Variants in BCR observed in about 807,000 individuals in gnomAD.
The protein encoded by BCR is breakpoint cluster region protein.
A neutral mutation model predicts 138.6 loss-of-function variants in BCR; 58 were observed. The observed-to-expected ratio is 0.42, with a 90% confidence interval of 0.34 to 0.52. BCR has a LOEUF of 0.52. Ranked by LOEUF, BCR falls within the 20% of genes least tolerant of loss-of-function variation. BCR has a pLI of 0.06. For missense variants in BCR, 1,599 were observed against 1,727.2 expected (o/e 0.93, Z 1.32); for synonymous variants, 786 against 730.1 (o/e 1.08, Z -1.23).
intron 18 of BCR, among the ~76,000 whole-genome samples, chr22:23,311,359 A>T (rs1364607005): frequency 1.3e-5 from 2 of 150,588 alleles, no homozygotes; most frequent in Non-Finnish European, 3.0e-5. Context: ...CTGACCTCCC[A>T]GCCGGGGGTA....
chr22:23,221,609 T>C (rs536870793), intron 1 of BCR, among the ~76,000 whole-genome samples: 66 of 152,332 alleles, frequency 4.3e-4, no homozygotes, highest in African/African-American at 1.5e-3. Context: ...CAGTGCTTCT[T>C]AGAGAAAGCT....
intron 1 of BCR, among the ~76,000 whole-genome samples, chr22:23,235,654 A>G (rs1477959563): frequency 1.3e-5 from 2 of 152,220 alleles, no homozygotes; most frequent in Non-Finnish European, 2.9e-5. Flanking sequence ...GGGGTGTCTT[A>G]GTCACTTCAG....
chr22:23,240,501 A>C (rs2073077535), intron 1 of BCR, among the ~76,000 whole-genome samples: 3 of 151,924 alleles, frequency 2.0e-5, no homozygotes, highest in Admixed American at 2.0e-4. Flanking sequence ...AATACAAAAA[A>C]TCAGCCGGGC....
intron 15 of BCR, among the ~76,000 whole-genome samples, chr22:23,293,968 C>T (rs1352294555): frequency 6.6e-6 from 1 of 152,224 alleles, no homozygotes; most frequent in Non-Finnish European, 1.5e-5. Context: ...GTTAACACCA[C>T]GCACCCACGG....
Position 23,315,453 on chromosome 22 carries a change from C to T in BCR, c.3747C>T (p.Phe1249=). The T allele has an allele frequency of 1.2e-6, 2 of 1,613,568 alleles. No homozygotes were observed. Among genetic ancestry groups the T allele is most frequent in the Non-Finnish European group, 1.7e-6 (2 of 1,179,998 alleles). ...GGCAGGTCCAGGTGCTGCTGTACTT[C>T]CTGCAGCTGGAGGCCATCCCTGCCC... is the stretch of plus-strand genomic sequence containing the variant. ...VMSQVQVLLY[F]LQLEAIPAPD... is the part of the protein sequence containing the mutation. Residue 1249 remains phenylalanine, a synonymous_variant, in exon 23 of 23, where the codon TTC becomes TTT. Coordinates refer to ENST00000305877, the MANE Select transcript of BCR (RefSeq NM_004327.4).
intron 16 of BCR, chr22:23,302,253 GC>G (rs2073909865): frequency 6.6e-6 from 1 of 152,568 alleles, no homozygotes; most frequent in Non-Finnish European, 1.5e-5. Context: ...ACCAGACCGG[GC>G]CAAGCCCCCA....
intron 1 of BCR, among the ~76,000 whole-genome samples, chr22:23,192,450 G>A (rs1441825516): frequency 6.6e-6 from 1 of 152,250 alleles, no homozygotes; most frequent in Non-Finnish European, 1.5e-5. Flanking sequence ...AGTACAGTCA[G>A]GCAGGCCTTC....
chr22:23,295,822 G>A (rs762135389), intron 16 of BCR, among the ~76,000 whole-genome samples: 4 of 152,098 alleles, frequency 2.6e-5, no homozygotes, highest in Non-Finnish European at 4.4e-5. Context: ...CATAGCTGGC[G>A]CCCCAGGCCC....
At chr22:23,292,039 C>G (rs971650979) in intron 14 of BCR, among the ~76,000 whole-genome samples, 1 of 152,230 alleles carries the variant, frequency 6.6e-6, no homozygotes, top group Non-Finnish European at 1.5e-5. Flanking sequence ...CCCCCTGCAC[C>G]CCACGACTTC....
intron 8 of BCR, among the ~76,000 whole-genome samples, chr22:23,282,820 T>A (rs994452940): frequency 3.3e-5 from 5 of 152,340 alleles, no homozygotes; most frequent in African/African-American, 1.2e-4. Flanking sequence ...GTCCTCCCTG[T>A]GAGCCTTCCC....
In BCR at chr22:23,253,785, C is replaced by T; in HGVS notation, c.1280-14C>T. On this transcript the variant is annotated splice_polypyrimidine_tract_variant and intron_variant, in intron 1 of 22. Coordinates refer to ENST00000305877, the MANE Select transcript of BCR (RefSeq NM_004327.4). ...TCTCTGTCTCTAACACAGGATGCTT[C>T]TTTGCACACACAGATGGCTCGTTCG... 2 of 1,604,522 alleles carry T rather than the reference C, an allele frequency of 1.2e-6. No homozygotes were observed. Among genetic ancestry groups the T allele is most frequent in the Non-Finnish European group, 8.5e-7 (1 of 1,173,968 alleles).
At chr22:23,215,664 G>C (rs138158219) in intron 1 of BCR, among the ~76,000 whole-genome samples, 2 of 152,316 alleles carry the variant, frequency 1.3e-5, no homozygotes, top group East Asian at 3.9e-4. Context: ...GTTGTCCTTG[G>C]AACAGTCAGT....
chr22:23,299,259 C>A (rs567077312), intron 16 of BCR, among the ~76,000 whole-genome samples: 6 of 152,248 alleles, frequency 3.9e-5, no homozygotes, highest in Admixed American at 2.6e-4. Context: ...GCTGGGATTA[C>A]AGGCGTGAGC....
At chr22:23,277,686 C>T (rs944111454) in intron 8 of BCR, among the ~76,000 whole-genome samples, 15 of 152,170 alleles carry the variant, frequency 9.9e-5, no homozygotes, top group African/African-American at 3.4e-4. Flanking sequence ...TGAGCCTGGG[C>T]AAGTCTGGCA....
intron 2 of BCR, 145 bp downstream of exon 2, chr22:23,254,125 C>T: frequency 1.1e-6 from 1 of 907,050 alleles, no homozygotes. Context: ...CCTTCCTCAT[C>T]TCTACATGTG....
chr22:23,266,499 C>T (rs1344299292), intron 4 of BCR, among the ~76,000 whole-genome samples: 3 of 152,130 alleles, frequency 2.0e-5, no homozygotes, highest in African/African-American at 7.2e-5. Context: ...AAGCGATTCT[C>T]CTGTCTCAGC....
intron 1 of BCR, among the ~76,000 whole-genome samples, chr22:23,232,286 C>A (rs1159574736): frequency 6.6e-6 from 1 of 152,238 alleles, no homozygotes; most frequent in Non-Finnish European, 1.5e-5. Context: ...GGCTGACCAG[C>A]CGAATCCACT....
intron 2 of BCR, among the ~76,000 whole-genome samples, chr22:23,260,424 G>A (rs1161786162): frequency 6.6e-6 from 1 of 152,186 alleles, no homozygotes; most frequent in African/African-American, 2.4e-5. Context: ...GGGAGGGAGG[G>A]CATCTGGAGA....
At chr22:23,297,797 A>G (rs73152666) in intron 16 of BCR, among the ~76,000 whole-genome samples, 18,501 of 152,196 alleles carry the variant, frequency 0.12, 1,418 homozygotes, top group African/African-American at 0.21. Flanking sequence ...TCTGAGTACT[A>G]TTGCTAAGTA....
Sources: gnomAD v4.1 joint callset for allele counts (sites outside exome capture counted in the v4.1 genomes callset) on GRCh38, gnomAD v4.1.1 for gene constraint, MANE v1.5 for transcripts, NCBI Gene and HGNC (gene_info 2026-07-23, HGNC 2026-07-21) for gene names.